The following CACNG3 variants were observed in gnomAD, a reference collection of about 807,000 sequenced individuals.
CACNG3 encodes calcium voltage-gated channel auxiliary subunit gamma 3.
Under a neutral mutation model 28.5 loss-of-function variants are expected in CACNG3, and 3 were observed. The ratio of observed to expected loss-of-function variants is 0.11; its 90% CI spans 0.05 to 0.27. CACNG3 has a LOEUF of 0.27. Ranked by LOEUF, CACNG3 falls within the 10% of genes least tolerant of loss-of-function variation. The probability of loss-of-function intolerance (pLI) is 1.00; values close to 1 mark genes in which losing one functional copy is unlikely to be tolerated. For synonymous variants in CACNG3, 174 were observed against 162.2 expected (o/e 1.07, Z -0.55); for missense variants, 236 against 414.4 (o/e 0.57, Z 3.74).
chr16:24,362,023 C>A lies in CACNG3; in HGVS notation c.*160C>A. On this transcript the variant is annotated 3_prime_UTR_variant, in exon 4 of 4. Coordinates refer to ENST00000005284, the MANE Select transcript of CACNG3 (RefSeq NM_006539.4). ...TCTCCCACATTTTCCCCTCACCCTCCAAGTCCTAACCCCTCCATCCTCTCT... is the reference window on the plus strand; with the variant it reads ...TCTCCCACATTTTCCCCTCACCCTCAAAGTCCTAACCCCTCCATCCTCTCT... 1.5e-6 allele frequency: 1 copy of A among 649,108 alleles called. No homozygotes were observed. The highest frequency in any genetic ancestry group is 2.6e-6 in the Non-Finnish European group (1 of 390,488). 40.2% of individuals were successfully genotyped at this position (649,108 alleles called of 1,614,324 possible).
In CACNG3 at chr16:24,337,741, T is replaced by G. The variant is rs117066258; in HGVS notation, c.212-8993T>G. ...TCTAGATTCCCTCCCCATTCCTGCA[T>G]GTTTGGAAGCCACCCAGAACCAAGT... On this transcript the variant is annotated intron_variant, in intron 1 of 3. Transcript: ENST00000005284. Among the ~76,000 whole-genome samples, 69 of 152,076 alleles carry G rather than the reference T, an allele frequency of 4.5e-4. 1 individual carries two copies. In the East Asian group the frequency reaches 0.012, roughly 27 times the overall value.
chr16:24,347,969 A>C (rs368478146), intron 2 of CACNG3, among the ~76,000 whole-genome samples: 2 of 152,232 alleles, frequency 1.3e-5, no homozygotes, highest in East Asian at 1.9e-4. Context: ...AATATGCATT[A>C]GCTCCCGTTT....
At chr16:24,330,913 C>T (rs758326390) in intron 1 of CACNG3, among the ~76,000 whole-genome samples, 1 of 152,104 alleles carries the variant, frequency 6.6e-6, no homozygotes. Flanking sequence ...GTTAGTAATA[C>T]TAAGCTGTTA....
At chr16:24,285,355 C>T (rs1396313070) in intron 1 of CACNG3, among the ~76,000 whole-genome samples, 3 of 152,178 alleles carry the variant, frequency 2.0e-5, no homozygotes, top group African/African-American at 4.8e-5. Context: ...CCGTTTACTG[C>T]ACCTAGTGAG....
In CACNG3 at chr16:24,256,434, G is replaced by A. The variant is rs1007735299; in HGVS notation, c.-321G>A. On this transcript the variant is annotated 5_prime_UTR_variant, in exon 1 of 4. Coordinates refer to ENST00000005284, the MANE Select transcript of CACNG3 (RefSeq NM_006539.4). The surrounding 1 kb of genome is among the most constrained non-coding windows in gnomAD (Gnocchi z 4.6). ...AACCGAGCTGGCAGCTCCAGGCTCCGGAGCCATGCCCTGCACGGACCCTCG... is the reference window on the plus strand; with the variant it reads ...AACCGAGCTGGCAGCTCCAGGCTCCAGAGCCATGCCCTGCACGGACCCTCG... 6.5e-6 allele frequency: 2 copies of A among 309,588 alleles called. No homozygotes were observed. The highest frequency in any genetic ancestry group is 4.7e-5 in the Admixed American group (1 of 21,452). The allele number at this position is 309,588 out of a possible 1,614,324, so 19.2% of individuals were successfully genotyped here. A position where few individuals can be genotyped will look rare whatever the true frequency, so the allele number is the denominator to read the frequency against.
At position 24,300,723 on chromosome 16, in the gene CACNG3, C is replaced by G. The variant is rs1899097205; in HGVS notation, c.211+43758C>G. On this transcript the variant is annotated intron_variant, in intron 1 of 3. Coordinates refer to ENST00000005284, the MANE Select transcript of CACNG3 (RefSeq NM_006539.4). ...AGATCACTTGGAGTTCAAGACCAGC[C>G]TGGCCAACATGGCAAAACCCCGTCT... is the stretch of plus-strand genomic sequence containing the variant. Among the ~76,000 whole-genome samples, 3 of 152,122 alleles carry G rather than the reference C, an allele frequency of 2.0e-5. No individual in the cohort carries two copies. The South Asian group carries it at 6.2e-4, about 32-fold the overall frequency.
intron 1 of CACNG3, among the ~76,000 whole-genome samples, chr16:24,301,718 A>G (rs549171356): frequency 6.6e-6 from 1 of 152,342 alleles, no homozygotes; most frequent in African/African-American, 2.4e-5. Context: ...CAGCAGAGTC[A>G]GGCCTCCAAA....
chr16:24,312,955 GAGAA>G (rs1555460243), intron 1 of CACNG3, among the ~76,000 whole-genome samples: 18 of 110,886 alleles, frequency 1.6e-4, no homozygotes, highest in African/African-American at 4.1e-4. Flanking sequence ...AAGAAAGAAA[GAGAA>G]AGAAAGAAAA....
Position 24,361,744 on chromosome 16 carries a change from G to A in CACNG3, c.829G>A (p.Gly277Arg). 2 of 1,613,776 alleles carry A rather than the reference G, an allele frequency of 1.2e-6. No individual in the cohort carries two copies. Among genetic ancestry groups the A allele is most frequent in the Non-Finnish European group, 8.5e-7 (1 of 1,179,976 alleles). ...LSRDPSKITM[G>R]TLLNSDRDHA... ...CCGGGACCCCTCAAAGATCACCATG[G>A]GGACCCTCCTCAACTCCGACCGGGA... Residue 277 changes from glycine (G) to arginine (R), a missense_variant, in exon 4 of 4, where the codon GGG becomes AGG. This residue lies in a region of CACNG3 where 116 missense variants were observed against 151.0 expected (regional missense o/e 0.77). Coordinates refer to ENST00000005284, the MANE Select transcript of CACNG3 (RefSeq NM_006539.4). This position sits in a 1 kb window ranked among gnomAD's most constrained non-coding sequence, Gnocchi z 6.8.
intron 1 of CACNG3, among the ~76,000 whole-genome samples, chr16:24,309,265 T>C (rs562467945): frequency 3.3e-5 from 5 of 152,324 alleles, no homozygotes; most frequent in Admixed American, 2.0e-4. Flanking sequence ...TCCCATACTT[T>C]ATGTCTTTTA....
chr16:24,360,652 T>C (rs1279636747), intron 3 of CACNG3, among the ~76,000 whole-genome samples: 2 of 152,208 alleles, frequency 1.3e-5, no homozygotes, highest in African/African-American at 4.8e-5. Flanking sequence ...ACTTAATGTG[T>C]TCAAACCTCC....
Position 24,257,179 on chromosome 16 carries a change from G to A in CACNG3, c.211+214G>A, listed in dbSNP as rs75140334. On this transcript the variant is annotated intron_variant, in intron 1 of 3. Coordinates refer to ENST00000005284, the MANE Select transcript of CACNG3 (RefSeq NM_006539.4). ...ATTGTTTTTAGTATAAGCTTCATGA[G>A]ATGAGATTTTTGTCACACTCTAGGC... 6.9e-3 allele frequency among the ~76,000 whole-genome samples: 1,052 copies of A among 152,164 alleles called. 13 individuals carry two copies. The highest frequency in any genetic ancestry group is 0.024 in the African/African-American group (1,012 of 41,502).
intron 1 of CACNG3, among the ~76,000 whole-genome samples, chr16:24,320,253 G>A (rs1431062096): frequency 6.6e-6 from 1 of 152,196 alleles, no homozygotes; most frequent in Non-Finnish European, 1.5e-5. Context: ...TTTTACAAAG[G>A]CATGAGGGTT....
Position 24,355,289 on chromosome 16 carries a change from T to C in CACNG3, c.436+316T>C, listed in dbSNP as rs1002063076. Among the ~76,000 whole-genome samples the C allele has an allele frequency of 1.5e-4, 23 of 152,290 alleles. 5 individuals carry two copies. Among genetic ancestry groups the C allele is most frequent in the East Asian group, 3.9e-4 (2 of 5,180 alleles). On this transcript the variant is annotated intron_variant, in intron 3 of 3. Transcript: ENST00000005284. ...AGAGATTTATAAGAGTGTACATACA[T>C]GCTTGCTGCTTGCATATGTGGTACG...
chr16:24,298,107 ATAATT>A (rs1463715198), intron 1 of CACNG3, among the ~76,000 whole-genome samples: 1 of 152,146 alleles, frequency 6.6e-6, no homozygotes, highest in Admixed American at 6.6e-5. Context: ...GGTACAAGTA[ATAATT>A]ATCTTTATAT....
At chr16:24,272,575 C>A (rs1293168010) in intron 1 of CACNG3, among the ~76,000 whole-genome samples, 1 of 151,758 alleles carries the variant, frequency 6.6e-6, no homozygotes, top group African/African-American at 2.4e-5. Context: ...TTTCAACTTG[C>A]CATTTATTTT....
intron 1 of CACNG3, among the ~76,000 whole-genome samples, chr16:24,338,979 T>A (rs1214028628): frequency 1.3e-5 from 2 of 152,184 alleles, no homozygotes; most frequent in Admixed American, 1.3e-4. Context: ...CCTCCCTTCC[T>A]CTGATTAACT....
intron 1 of CACNG3, among the ~76,000 whole-genome samples, chr16:24,266,552 C>T (rs780293224): frequency 4.6e-5 from 7 of 152,104 alleles, no homozygotes; most frequent in African/African-American, 7.2e-5. Context: ...AGAGGGAAAA[C>T]GATACCCTAA....
At chr16:24,311,685 A>G (rs1899266397) in intron 1 of CACNG3, among the ~76,000 whole-genome samples, 1 of 151,658 alleles carries the variant, frequency 6.6e-6, no homozygotes, top group Non-Finnish European at 1.5e-5. Context: ...GTGAAACCCC[A>G]TCTCTACTAG....
Sources: allele counts gnomAD v4.1 joint callset (sites outside exome capture counted in the v4.1 genomes callset), GRCh38; gene constraint gnomAD v4.1.1; regional missense constraint gnomAD v4.1.1; non-coding constraint Gnocchi (gnomAD v3.1); transcripts MANE v1.5; gene names NCBI Gene and HGNC (gene_info 2026-07-23, HGNC 2026-07-21).